OR10H1: variants seen among roughly 807,000 people sequenced by gnomAD.
The protein encoded by OR10H1 is olfactory receptor family 10 subfamily H member 1, also known as olfactory receptor 10H1.
Under a neutral mutation model 13.1 loss-of-function variants are expected in OR10H1, and 12 were observed. That is an observed-to-expected ratio of 0.92 (90% CI 0.59 to 1.48). The LOEUF is 1.48. OR10H1 is among the 40% of genes most tolerant of loss of function. The pLI is 0.00. For synonymous variants in OR10H1, 168 were observed against 175.6 expected (o/e 0.96, Z 0.34); for missense variants, 363 against 413.1 (o/e 0.88, Z 1.05).
intron 2 of OR10H1, among the ~76,000 whole-genome samples, chr19:15,810,093 G>A (rs1358056284): frequency 6.6e-6 from 1 of 152,006 alleles, no homozygotes; most frequent in Non-Finnish European, 1.5e-5. Flanking sequence ...TCAGGAGTTC[G>A]AGACCAGCCT....
intron 3 of OR10H1, 23 bp from the exon 4 acceptor site, chr19:15,808,071 G>A: frequency 6.4e-7 from 1 of 1,566,552 alleles, no homozygotes; most frequent in Non-Finnish European, 8.7e-7. Context: ...GTGACAGGGA[G>A]ATGTCAGTTA....
chr19:15,811,358 T>A (rs1302348796), intron 2 of OR10H1, among the ~76,000 whole-genome samples: 1 of 152,194 alleles, frequency 6.6e-6, no homozygotes, highest in Admixed American at 6.5e-5. Context: ...AGGCAGGGTT[T>A]CTCAACCTTG....
In OR10H1 at chr19:15,806,937, T is replaced by C. The variant is rs2144939346; in HGVS notation, c.*144A>G. 6.8e-6 allele frequency: 5 copies of C among 738,218 alleles called. No individual in the cohort carries two copies. The highest frequency in any genetic ancestry group is 1.1e-5 in the Non-Finnish European group (5 of 441,960). The allele number at this position is 738,218 out of a possible 1,614,324, so 45.7% of individuals were successfully genotyped here. On this transcript the variant is annotated 3_prime_UTR_variant, in exon 4 of 4. Transcript: ENST00000641419. The stretch of plus-strand genomic sequence containing the variant: ...AGATGGGGTTTCGCCATGTTAGCCA[T>C]GCTGGTCTCAAACTCCTGACCTCAG...
Position 15,807,105 on chromosome 19 carries a change from G to T in OR10H1, c.933C>A (p.Tyr311Ter). Residue 311 changes from tyrosine (Y) to a stop codon, truncating the protein, a stop_gained, in exon 4 of 4, where the codon TAC becomes TAA. Transcript: ENST00000641419. LOFTEE classifies it high-confidence loss of function. ...AMKKTFFSKL[Y>*]PEKNVMM ...CCTACATCATTACATTTTTTTCTGG[G>T]TAGAGTTTACTGAAGAAGGTCTTCT... is the stretch of plus-strand genomic sequence containing the variant. 2 of 1,611,780 alleles carry T rather than the reference G, an allele frequency of 1.2e-6. No homozygotes were observed. The highest frequency in any genetic ancestry group is 1.7e-6 in the Non-Finnish European group (2 of 1,179,380).
At position 15,806,792 on chromosome 19, in the gene OR10H1, A is replaced by G. The variant is rs191066208; in HGVS notation, c.*289T>C. On this transcript the variant is annotated 3_prime_UTR_variant, in exon 4 of 4. Coordinates refer to ENST00000641419, the MANE Select transcript of OR10H1 (RefSeq NM_013940.4). Reference sequence around the variant, plus strand: ...GCCCAGGCTGGAGTGCAGTGGTGTGATCTCAGCTCACTGCAACCTCCACCT... The same window carrying G: ...GCCCAGGCTGGAGTGCAGTGGTGTGGTCTCAGCTCACTGCAACCTCCACCT... The G allele has an allele frequency of 6.6e-5, 24 of 362,646 alleles. No homozygotes were observed. Among genetic ancestry groups the G allele is most frequent in the Admixed American group, 6.1e-4 (14 of 23,092 alleles). The allele number at this position is 362,646 out of a possible 1,614,324, so 22.5% of individuals were successfully genotyped here.
chr19:15,810,806 T>C (rs1425423535), intron 2 of OR10H1, among the ~76,000 whole-genome samples: 2 of 152,068 alleles, frequency 1.3e-5, no homozygotes, highest in African/African-American at 2.4e-5. Context: ...TGTATACTTT[T>C]AAGTGTTTAT....
At position 15,806,821 on chromosome 19, in the gene OR10H1, G is replaced by A. The variant is rs778087407; in HGVS notation, c.*260C>T. 6.7e-5 allele frequency: 28 copies of A among 415,970 alleles called. No individual in the cohort carries two copies. Among genetic ancestry groups the A allele is most frequent in the Admixed American group, 1.2e-4 (3 of 25,470 alleles). 25.8% of individuals were successfully genotyped at this position (415,970 alleles called of 1,614,324 possible). ...CAGCTCACTGCAACCTCCACCTACC[G>A]GGTCAAGCGATTCTTATGCCTCAGC... is the stretch of plus-strand genomic sequence containing the variant. On this transcript the variant is annotated 3_prime_UTR_variant, in exon 4 of 4. Transcript: ENST00000641419.
chr19:15,808,244 C>T, intron 3 of OR10H1, 196 bp from the exon 4 acceptor site: 1 of 581,458 alleles, frequency 1.7e-6, no homozygotes. Context: ...TTTTGAAGTA[C>T]CTTGAGCATA....
Position 15,807,247 on chromosome 19 carries a change from T to C in OR10H1, c.791A>G (p.Lys264Arg). 1 of 1,614,040 alleles carries C rather than the reference T, an allele frequency of 6.2e-7. No homozygotes were observed. ...GTCTCCTTCCAGAGACTGGGGACTT[T>C]TGGGCTTCAGGTAAATGACGGAGGC... ...GFASVIYLKP[K>R]SPQSLEGDTL... is the part of the protein sequence containing the mutation. Residue 264 changes from lysine (K) to arginine (R), a missense_variant, in exon 4 of 4, where the codon AAA (lysine) becomes AGA (arginine). Physicochemically the swap from Lys to Arg is conservative, Grantham distance 26. Transcript: ENST00000641419.
intron 2 of OR10H1, among the ~76,000 whole-genome samples, chr19:15,810,501 T>C (rs2088927274): frequency 6.6e-6 from 1 of 152,006 alleles, no homozygotes; most frequent in South Asian, 2.1e-4. Context: ...GCGTCTGAGC[T>C]TTATTCCTGT....
intron 3 of OR10H1, 40 bp downstream of exon 3, chr19:15,808,685 A>C (rs1006401382): frequency 6.6e-6 from 1 of 152,284 alleles, no homozygotes; most frequent in Admixed American, 6.6e-5. Context: ...CCCCATCTCT[A>C]CTAAAAATAT....
rs1165132415 is a variant in OR10H1, at chr19:15,808,783, G to T, written c.-70C>A. 1 of 152,112 alleles carries T rather than the reference G, an allele frequency of 6.6e-6. No homozygotes were observed. Among genetic ancestry groups the T allele is most frequent in the Non-Finnish European group, 1.5e-5 (1 of 68,060 alleles). 9.4% of individuals were successfully genotyped at this position (152,112 alleles called of 1,614,324 possible). On this transcript the variant is annotated 5_prime_UTR_variant, in exon 3 of 4. Coordinates refer to ENST00000641419, the MANE Select transcript of OR10H1 (RefSeq NM_013940.4). ...GAGAATCTCTTGAACCTGGGAGGCG[G>T]AGGTTGCAGTAAGCCGAGATGGCGC...
intron 2 of OR10H1, among the ~76,000 whole-genome samples, chr19:15,809,815 AT>A (rs60183470): frequency 0.39 from 58,230 of 148,754 alleles, 12,024 homozygotes; most frequent in African/African-American, 0.51. Flanking sequence ...AATATATTCA[AT>A]TTTTTTTTTT....
chr19:15,807,543 G>A lies in OR10H1; in HGVS notation c.495C>T (p.His165=), dbSNP rs781409715. ...TCTCCTTGTGTCCACAGAAGGCGAGGTGGAAAATGGCCGAGGTCACCACCA... is the reference window on the plus strand; with the variant it reads ...TCTCCTTGTGTCCACAGAAGGCGAGATGGAAAATGGCCGAGGTCACCACCA... The part of the protein sequence containing the change: ...MGMVVTSAIF[H]LAFCGHKEIH... The change falls in exon 4 of 4, where the codon CAC becomes CAT. Residue 165 remains histidine (H), a synonymous_variant. Coordinates refer to ENST00000641419, the MANE Select transcript of OR10H1 (RefSeq NM_013940.4). 8.7e-6 allele frequency: 14 copies of A among 1,614,098 alleles called. No individual in the cohort carries two copies. The highest frequency in any genetic ancestry group is 1.2e-5 in the Non-Finnish European group (14 of 1,180,058).
chr19:15,808,369 C>G (rs776388712), intron 3 of OR10H1, among the ~76,000 whole-genome samples: 1 of 152,158 alleles, frequency 6.6e-6, no homozygotes, highest in Non-Finnish European at 1.5e-5. Flanking sequence ...TTCACTATTT[C>G]TCTATGTTGC....
Position 15,807,948 on chromosome 19 carries a change from C to T in OR10H1, c.90G>A (p.Leu30=), listed in dbSNP as rs752362373. The stretch of plus-strand genomic sequence containing the variant: ...GCGTGAACAGGTACATCAGCAGGAA[C>T]AGCAGGAAGAGCATCAGCTGGAGGT... ...FPHLQLMLFL[L]FLLMYLFTLL... is the part of the protein sequence containing the mutation. Residue 30 remains leucine, a synonymous_variant, in exon 4 of 4, where the codon CTG becomes CTA. Transcript: ENST00000641419. 49 of 1,614,112 alleles carry T rather than the reference C, an allele frequency of 3.0e-5. No homozygotes were observed. The South Asian group carries it at 5.4e-4, about 18-fold the overall frequency.
intron 1 of OR10H1, among the ~76,000 whole-genome samples, chr19:15,814,021 G>A (rs1291813865): frequency 1.3e-5 from 2 of 152,100 alleles, no homozygotes; most frequent in East Asian, 3.9e-4. Flanking sequence ...AAGCGTGGCT[G>A]TGGACAAGTC....
chr19:15,805,877 C>G lies in OR10H1; in HGVS notation c.*1204G>C, dbSNP rs2088893356. 1 of 152,116 alleles carries G rather than the reference C, an allele frequency of 6.6e-6. No homozygotes were observed. 9.4% of individuals were successfully genotyped at this position (152,116 alleles called of 1,614,324 possible). On this transcript the variant is annotated 3_prime_UTR_variant, in exon 4 of 4. Transcript: ENST00000641419. ...TCACAGTGTGACTTTTTTCCTTGAT[C>G]CAACCATGAAGACATCTCAGTCTCT...
rs144365487 is a variant in OR10H1 at position 15,811,862 on chromosome 19, G to A, written c.-129+368C>T. On this transcript the variant is annotated intron_variant, in intron 2 of 3. Coordinates refer to ENST00000641419, the MANE Select transcript of OR10H1 (RefSeq NM_013940.4). ...TCATGACTTTGTTATGATGTTTGCC[G>A]TGATATGTCATGTTGGAGCTGTGTC... 8.5e-5 allele frequency among the ~76,000 whole-genome samples: 13 copies of A among 152,244 alleles called. No individual in the cohort carries two copies. The East Asian group carries it at 2.3e-3, about 27-fold the overall frequency.
Sources: gnomAD v4.1 joint callset for allele counts (sites outside exome capture counted in the v4.1 genomes callset) on GRCh38, gnomAD v4.1.1 for gene constraint, MANE v1.5 for transcripts, NCBI Gene and HGNC (gene_info 2026-07-23, HGNC 2026-07-21) for gene names.